The following PDE12 variants were observed in gnomAD, a reference collection of about 807,000 sequenced individuals.
PDE12 encodes the protein phosphodiesterase 12.
Under a neutral mutation model 45.4 loss-of-function variants are expected in PDE12, and 26 were observed. That is an observed-to-expected ratio of 0.57 (90% CI 0.42 to 0.79). The LOEUF (loss-of-function observed/expected upper bound fraction) is 0.79, where lower values mean the gene tolerates loss of function less well. PDE12 is among the 30% of genes least tolerant of loss of function. The pLI, the probability that PDE12 is intolerant of heterozygous loss-of-function variation, is 0.00. For synonymous variants in PDE12, 283 were observed against 323.9 expected, an observed-to-expected ratio of 0.87 and a Z score of 1.36; for missense variants, 668 against 790.0, an observed-to-expected ratio of 0.85 and a Z score of 1.85.
At chr3:57,589,979 T>A in the PDE12 span, among the ~76,000 whole-genome samples, 6 of 149,530 alleles carry the variant, frequency 4.0e-5, no homozygotes, top group South Asian at 1.3e-3. Context: ...TAATCCCAGC[T>A]ACTCGGGAGG....
rs1383605605 is a variant in PDE12, at chr3:57,563,009, G to A, written c.*3005G>A. ...CACTACTGTGGAAAGTTCTTACGAT[G>A]GAAATTGACATCTTTTGTATCTCAT... On this transcript the variant is annotated 3_prime_UTR_variant, in exon 3 of 3. Transcript: ENST00000311180. 6.6e-6 allele frequency: 1 copy of A among 152,148 alleles called. No homozygotes were observed. The highest frequency in any genetic ancestry group is 1.5e-5 in the Non-Finnish European group (1 of 68,024). The allele number at this position is 152,148 out of a possible 1,614,324, so 9.4% of individuals were successfully genotyped here. A position where few individuals can be genotyped will look rare whatever the true frequency, so the allele number is the denominator to read the frequency against.
rs1181961066 is a variant in PDE12 at position 57,560,078 on chromosome 3, T to C, written c.*74T>C. 6.6e-7 allele frequency: 1 copy of C among 1,513,874 alleles called. No homozygotes were observed. Among genetic ancestry groups the C allele is most frequent in the Non-Finnish European group, 8.8e-7 (1 of 1,140,908 alleles). 93.8% of individuals were successfully genotyped at this position (1,513,874 alleles called of 1,614,324 possible). On this transcript the variant is annotated 3_prime_UTR_variant, in exon 3 of 3. Transcript: ENST00000311180. ...CAGAAAATTTAATATGAATCAAAGC[T>C]TATATGTAAACTTCAAGGAGGAATG...
At chr3:57,638,723 A>G in the PDE12 span, among the ~76,000 whole-genome samples, 5,704 of 152,224 alleles carry the variant, frequency 0.037, 139 homozygotes, top group African/African-American at 0.051. Flanking sequence ...AAGATACTCA[A>G]TATCACCGAT....
the PDE12 span, among the ~76,000 whole-genome samples, chr3:57,609,186 A>G: frequency 6.6e-6 from 1 of 152,160 alleles, no homozygotes; most frequent in Non-Finnish European, 1.5e-5. Flanking sequence ...TTTGAAACCA[A>G]TGAGAACAAA....
the PDE12 span, among the ~76,000 whole-genome samples, chr3:57,593,415 C>T: frequency 6.6e-6 from 1 of 152,002 alleles, no homozygotes; most frequent in African/African-American, 2.4e-5. Flanking sequence ...ATATAAAACA[C>T]CACTCTTTAG....
At chr3:57,611,183 T>G in the PDE12 span, among the ~76,000 whole-genome samples, 2 of 152,232 alleles carry the variant, frequency 1.3e-5, no homozygotes, top group Admixed American at 6.5e-5. Context: ...TAGCCATACG[T>G]AGAAAGCTGA....
chr3:57,596,499 TAGCAAAGTG>T, the PDE12 span: 1 of 152,260 alleles, frequency 6.6e-6, no homozygotes, highest in Non-Finnish European at 1.5e-5. Flanking sequence ...AGGCCAAGTT[TAGCAAAGTG>T]AGCGCTGAAG....
chr3:57,641,583 A>C, the PDE12 span: 1 of 1,310,270 alleles, frequency 7.6e-7, no homozygotes, highest in Non-Finnish European at 1.0e-6. Flanking sequence ...AAAATAATCA[A>C]GGATGAAAAG....
chr3:57,607,813 A>G, the PDE12 span, among the ~76,000 whole-genome samples: 8 of 152,114 alleles, frequency 5.3e-5, no homozygotes, highest in Admixed American at 5.2e-4. Context: ...AAAACACTCT[A>G]AAGGATATTA....
the PDE12 span, among the ~76,000 whole-genome samples, chr3:57,579,573 C>T: frequency 6.6e-6 from 1 of 152,076 alleles, no homozygotes; most frequent in Non-Finnish European, 1.5e-5. Flanking sequence ...CAGGTGTGAG[C>T]CACCGCGCCC....
chr3:57,642,313 CAAAAAAAAAAA>C, the PDE12 span, among the ~76,000 whole-genome samples: 23 of 67,532 alleles, frequency 3.4e-4, no homozygotes, highest in East Asian at 1.7e-3. Context: ...GACTCTGTCT[CAAAAAAAAAAA>C]AAAAAAAAAA....
Position 57,566,656 on chromosome 3 carries a change from G to T in PDE12, c.*6652G>T, listed in dbSNP as rs2069788697. 6.6e-6 allele frequency: 1 copy of T among 152,152 alleles called. No homozygotes were observed. The highest frequency in any genetic ancestry group is 2.1e-4 in the South Asian group (1 of 4,828). The allele number at this position is 152,152 out of a possible 1,614,324, so 9.4% of individuals were successfully genotyped here. ...TCTTTTTGATTATAGGCATCCTAGTGTCAAGTGGCATCTTATTGTGGTTTT... is the reference window on the plus strand; with the variant it reads ...TCTTTTTGATTATAGGCATCCTAGTTTCAAGTGGCATCTTATTGTGGTTTT... On this transcript the variant is annotated 3_prime_UTR_variant, in exon 3 of 3. Coordinates refer to ENST00000311180, the MANE Select transcript of PDE12 (RefSeq NM_177966.7).
chr3:57,615,838 A>G, the PDE12 span, among the ~76,000 whole-genome samples: 15 of 152,136 alleles, frequency 9.9e-5, no homozygotes, highest in South Asian at 2.1e-4. Context: ...AATAAATACA[A>G]TAAATATAAC....
chr3:57,593,038 T>C, the PDE12 span, among the ~76,000 whole-genome samples: 1 of 152,152 alleles, frequency 6.6e-6, no homozygotes, highest in Non-Finnish European at 1.5e-5. Context: ...ACCCCCATTC[T>C]CTACAAAATA....
At chr3:57,599,502 A>G in the PDE12 span, among the ~76,000 whole-genome samples, 12 of 152,340 alleles carry the variant, frequency 7.9e-5, no homozygotes, top group African/African-American at 2.2e-4. Flanking sequence ...AATTCAAAAG[A>G]CAAACCGTAT....
chr3:57,601,790 G>T, the PDE12 span, among the ~76,000 whole-genome samples: 1 of 137,102 alleles, frequency 7.3e-6, no homozygotes, highest in African/African-American at 2.7e-5. Context: ...TGTCACCCAG[G>T]CTGGAGTGCA....
chr3:57,625,200 C>T, the PDE12 span, among the ~76,000 whole-genome samples: 2 of 152,292 alleles, frequency 1.3e-5, no homozygotes, highest in East Asian at 1.9e-4. Flanking sequence ...CCACCACATA[C>T]GACCAATATT....
chr3:57,589,452 G>A, the PDE12 span, among the ~76,000 whole-genome samples: 1 of 152,154 alleles, frequency 6.6e-6, no homozygotes, highest in Non-Finnish European at 1.5e-5. Flanking sequence ...GGGCCCCGTG[G>A]CTCACACCTG....
chr3:57,642,313 CAAA>C, the PDE12 span, among the ~76,000 whole-genome samples: 7 of 67,550 alleles, frequency 1.0e-4, no homozygotes, highest in African/African-American at 4.5e-4. Flanking sequence ...GACTCTGTCT[CAAA>C]AAAAAAAAAA....
Sources: gnomAD v4.1 joint callset for allele counts (sites outside exome capture counted in the v4.1 genomes callset) on GRCh38, gnomAD v4.1.1 for gene constraint, MANE v1.5 for transcripts, NCBI Gene and HGNC (gene_info 2026-07-23, HGNC 2026-07-21) for gene names.